PTPRD: variants seen among roughly 807,000 people sequenced by gnomAD.
PTPRD encodes receptor-type tyrosine-protein phosphatase delta.
PTPRD carries 34 observed loss-of-function variants against 214.5 expected under a neutral mutation model. That is an observed-to-expected ratio of 0.16 (90% confidence interval 0.12 to 0.21). The LOEUF (loss-of-function observed/expected upper bound fraction) is 0.21, where lower values mean the gene tolerates loss of function less well. PTPRD is among the 10% of genes least tolerant of loss of function. The pLI is 1.00. For synonymous variants in PTPRD, 1,128 were observed against 845.7 expected (o/e 1.33, Z -5.79); for missense variants, 2,545 against 2,398.7 (o/e 1.06, Z -1.27).
At chr9:8,525,073 A>C in intron 17 of PTPRD, 38 bp from the exon 18 acceptor site, 3 of 1,540,018 alleles carry the variant, frequency 1.9e-6, no homozygotes, top group Non-Finnish European at 2.7e-6. Flanking sequence ...AGAGATGATC[A>C]GAGAAGGCTT....
chr9:10,223,304 T>C lies in PTPRD; in HGVS notation c.-545+117659A>G, dbSNP rs915507736. Among the ~76,000 whole-genome samples the C allele has an allele frequency of 2.0e-5, 3 of 152,020 alleles. No individual in the cohort carries two copies. In the East Asian group the frequency reaches 5.9e-4, roughly 30 times the overall value. ...ATTGCCTTTGTCCATTTTATGCCCA[T>C]GTCCTGGCACTAAACTAAGACTAGA... On this transcript the variant is annotated intron_variant, in intron 3 of 45. Coordinates refer to ENST00000381196, the MANE Select transcript of PTPRD (RefSeq NM_002839.4).
intron 3 of PTPRD, among the ~76,000 whole-genome samples, chr9:10,061,317 T>G (rs974619646): frequency 6.6e-6 from 1 of 151,874 alleles, no homozygotes; most frequent in Admixed American, 6.6e-5. Flanking sequence ...ATCACAGAAA[T>G]AGAATGGAAA....
chr9:9,092,804 C>T (rs1193697141), intron 10 of PTPRD, among the ~76,000 whole-genome samples: 2 of 151,800 alleles, frequency 1.3e-5, no homozygotes, highest in East Asian at 3.9e-4. Context: ...TTTAGAAAGA[C>T]AAATAAAAAA....
At chr9:10,563,674 T>A (rs1049669848) in intron 2 of PTPRD, among the ~76,000 whole-genome samples, 1 of 152,062 alleles carries the variant, frequency 6.6e-6, no homozygotes, top group Non-Finnish European at 1.5e-5. Context: ...CATCGTTATT[T>A]TTTTTTATCT....
At chr9:8,882,807 G>A (rs1263800635) in intron 11 of PTPRD, among the ~76,000 whole-genome samples, 1 of 149,776 alleles carries the variant, frequency 6.7e-6, no homozygotes, top group African/African-American at 2.4e-5. Flanking sequence ...ATCAGGTGAA[G>A]CCAGGAGGTG....
chr9:10,362,211 A>C (rs990060836), intron 2 of PTPRD, among the ~76,000 whole-genome samples: 2 of 152,130 alleles, frequency 1.3e-5, no homozygotes, highest in Non-Finnish European at 1.5e-5. Context: ...TGAAATGTTT[A>C]TTTCACTACC....
chr9:9,293,234 CAT>C (rs1464228120), intron 9 of PTPRD, among the ~76,000 whole-genome samples: 2 of 151,554 alleles, frequency 1.3e-5, no homozygotes, highest in Admixed American at 6.6e-5. Context: ...TAATCATTAA[CAT>C]ATGTCAGTAT....
chr9:8,586,004 T>TA (rs1282312704), intron 14 of PTPRD, among the ~76,000 whole-genome samples: 1 of 152,156 alleles, frequency 6.6e-6, no homozygotes, highest in African/African-American at 2.4e-5. Flanking sequence ...GCATTACTTT[T>TA]AAAAAATAAT....
At chr9:8,403,695 T>C (rs977593576) in intron 36 of PTPRD, among the ~76,000 whole-genome samples, 6 of 152,198 alleles carry the variant, frequency 3.9e-5, no homozygotes, top group Non-Finnish European at 7.3e-5. Flanking sequence ...AACACACTCC[T>C]TACTGCAATT....
intron 11 of PTPRD, among the ~76,000 whole-genome samples, chr9:8,849,462 G>C (rs968009919): frequency 3.3e-5 from 5 of 152,104 alleles, no homozygotes; most frequent in Non-Finnish European, 7.4e-5. Context: ...TCCTGACCTC[G>C]TGATCCACCG....
At chr9:9,228,654 G>C (rs571566991) in intron 9 of PTPRD, among the ~76,000 whole-genome samples, 1 of 151,980 alleles carries the variant, frequency 6.6e-6, no homozygotes. Context: ...CACTGTTTCT[G>C]TTCCTGCATT....
intron 8 of PTPRD, among the ~76,000 whole-genome samples, chr9:9,468,578 G>A (rs560919427): frequency 5.3e-5 from 8 of 151,820 alleles, no homozygotes; most frequent in African/African-American, 1.9e-4. Flanking sequence ...AATATTCAAT[G>A]TCTTTATTTC....
intron 3 of PTPRD, among the ~76,000 whole-genome samples, chr9:10,296,311 A>T (rs994261053): frequency 1.3e-5 from 2 of 152,016 alleles, no homozygotes; most frequent in Non-Finnish European, 2.9e-5. Context: ...CTGGTATCAA[A>T]GCCTGAAACT....
intron 3 of PTPRD, among the ~76,000 whole-genome samples, chr9:10,258,291 T>C (rs1053717616): frequency 1.3e-5 from 2 of 152,182 alleles, no homozygotes; most frequent in African/African-American, 2.4e-5. Flanking sequence ...TCCCCGTGCA[T>C]GGTCATGGGA....
In PTPRD at chr9:9,708,616, G is replaced by A. The variant is rs956090435; in HGVS notation, c.-287+25917C>T. 6.6e-5 allele frequency among the ~76,000 whole-genome samples: 10 copies of A among 151,700 alleles called. No homozygotes were observed. The East Asian group carries it at 7.7e-4, about 12-fold the overall frequency. On this transcript the variant is annotated intron_variant, in intron 7 of 45. Coordinates refer to ENST00000381196, the MANE Select transcript of PTPRD (RefSeq NM_002839.4). ...TTCAAAGTCCTCAAGAGTATTTCAC[G>A]GTTTTCCTAGTGTAGAGACAACAAA... is the stretch of plus-strand genomic sequence containing the variant.
intron 9 of PTPRD, among the ~76,000 whole-genome samples, chr9:9,336,672 T>C: frequency 6.6e-6 from 1 of 152,194 alleles, no homozygotes; most frequent in East Asian, 1.9e-4. Flanking sequence ...TGCTAATATT[T>C]TTTAAATGAT....
intron 39 of PTPRD, among the ~76,000 whole-genome samples, chr9:8,373,858 C>G (rs200925559): frequency 0.017 from 1,521 of 87,234 alleles, 20 homozygotes; most frequent in African/African-American, 0.039. Context: ...GTGTATGTGT[C>G]TGTCTGTCTA....
At position 10,155,575 on chromosome 9, in the gene PTPRD, G is replaced by A. The variant is rs144646600; in HGVS notation, c.-544-121785C>T. Among the ~76,000 whole-genome samples, 4 of 152,268 alleles carry A rather than the reference G, an allele frequency of 2.6e-5. No homozygotes were observed. In the East Asian group the frequency reaches 7.7e-4, roughly 29 times the overall value. On this transcript the variant is annotated intron_variant, in intron 3 of 45. Transcript: ENST00000381196. ...CTTTTGCCCATTAAGTACAACGTTG[G>A]CTGTGTGTTTGTCATAAACGACTTA...
intron 7 of PTPRD, among the ~76,000 whole-genome samples, chr9:9,579,474 G>A (rs531147072): frequency 6.6e-6 from 1 of 152,050 alleles, no homozygotes; most frequent in East Asian, 1.9e-4. Flanking sequence ...AGGATGTGTA[G>A]GCTTGTTACA....
Sources: gnomAD v4.1 joint callset for allele counts (sites outside exome capture counted in the v4.1 genomes callset) on GRCh38, gnomAD v4.1.1 for gene constraint, MANE v1.5 for transcripts, NCBI Gene and HGNC (gene_info 2026-07-23, HGNC 2026-07-21) for gene names.